LAMA2: variants seen among roughly 807,000 people sequenced by gnomAD.
The protein encoded by LAMA2 is laminin subunit alpha 2, also known as laminin subunit alpha-2.
A neutral mutation model predicts 364.8 loss-of-function variants in LAMA2; 269 were observed. The observed-to-expected ratio is 0.74, with a 90% CI of 0.67 to 0.82. The LOEUF (loss-of-function observed/expected upper bound fraction) is 0.82. Among genes scored for constraint, LAMA2 ranks in the 40% least tolerant of loss-of-function variants. The pLI is 0.00. For synonymous variants in LAMA2, 1,379 were observed against 1,370.6 expected (o/e 1.01, Z -0.14); for missense variants, 3,807 against 3,873.2 (o/e 0.98, Z 0.45).
intron 19 of LAMA2, among the ~76,000 whole-genome samples, chr6:129,289,051 G>A (rs1030755781): frequency 5.3e-5 from 8 of 152,284 alleles, no homozygotes; most frequent in Admixed American, 1.3e-4. Context: ...ATTAAGAAAT[G>A]TGTCTCTCTC....
At chr6:129,120,317 T>G (rs1263939794) in intron 4 of LAMA2, among the ~76,000 whole-genome samples, 1 of 152,184 alleles carries the variant, frequency 6.6e-6, no homozygotes, top group Admixed American at 6.5e-5. Flanking sequence ...ATGTAATCAT[T>G]TGTAAAATTT....
intron 40 of LAMA2, among the ~76,000 whole-genome samples, chr6:129,427,397 A>G (rs73774880): frequency 0.013 from 1,994 of 152,220 alleles, 50 homozygotes; most frequent in African/African-American, 0.046. Flanking sequence ...TCCTTACAAC[A>G]CCGCCAGTTA....
chr6:129,340,830 CAAAAAAAAAA>C (rs34264921), intron 29 of LAMA2, among the ~76,000 whole-genome samples: 7 of 59,592 alleles, frequency 1.2e-4, no homozygotes, highest in African/African-American at 3.9e-4. Flanking sequence ...AGCTCTGTCT[CAAAAAAAAAA>C]AAAAAAAAAA....
At chr6:129,454,620 A>G (rs973007194) in intron 47 of LAMA2, among the ~76,000 whole-genome samples, 3 of 152,186 alleles carry the variant, frequency 2.0e-5, no homozygotes, top group African/African-American at 7.2e-5. Flanking sequence ...AAGCCAAAGC[A>G]TAAGAGCACC....
chr6:129,286,240 A>C (rs1562416098), intron 18 of LAMA2, among the ~76,000 whole-genome samples: 2 of 151,958 alleles, frequency 1.3e-5, no homozygotes, highest in African/African-American at 4.8e-5. Context: ...CTTGCTGCAA[A>C]AGACTTTATC....
intron 1 of LAMA2, among the ~76,000 whole-genome samples, chr6:129,009,882 C>T (rs780998889): frequency 1.3e-5 from 2 of 152,078 alleles, no homozygotes; most frequent in Non-Finnish European, 2.9e-5. Context: ...GATTATATGG[C>T]AGGATCCTCT....
chr6:129,442,873 C>A, intron 43 of LAMA2, 190 bp from the exon 44 acceptor site: 1 of 561,388 alleles, frequency 1.8e-6, no homozygotes, highest in Non-Finnish European at 3.1e-6. Context: ...CAAATAGTGG[C>A]CACTAAATTA....
intron 8 of LAMA2, among the ~76,000 whole-genome samples, chr6:129,161,696 C>G (rs961121247): frequency 3.9e-5 from 6 of 152,092 alleles, no homozygotes; most frequent in African/African-American, 1.4e-4. Context: ...TTGTTGCCTT[C>G]TTTGTGTCCA....
intron 1 of LAMA2, among the ~76,000 whole-genome samples, chr6:128,884,409 T>C (rs966799671): frequency 3.9e-5 from 6 of 152,220 alleles, no homozygotes; most frequent in African/African-American, 1.4e-4. Context: ...TTTAAAAGTT[T>C]TAATGAGGCT....
At chr6:129,277,829 G>A (rs1169734247) in intron 17 of LAMA2, among the ~76,000 whole-genome samples, 2 of 152,146 alleles carry the variant, frequency 1.3e-5, no homozygotes, top group African/African-American at 4.8e-5. Context: ...ATTTTTGTCA[G>A]TGAGCACCTT....
At chr6:129,232,361 G>T (rs1249478647) in intron 12 of LAMA2, among the ~76,000 whole-genome samples, 1 of 152,086 alleles carries the variant, frequency 6.6e-6, no homozygotes, top group Non-Finnish European at 1.5e-5. Flanking sequence ...CTGCAGTCCT[G>T]TTGTTAGAAG....
chr6:129,135,481 AG>A (rs1224624272), intron 4 of LAMA2, among the ~76,000 whole-genome samples: 1 of 152,246 alleles, frequency 6.6e-6, no homozygotes, highest in African/African-American at 2.4e-5. Flanking sequence ...TCATACATAC[AG>A]ATCACATGCA....
intron 47 of LAMA2, among the ~76,000 whole-genome samples, chr6:129,454,879 C>T (rs1782874305): frequency 6.6e-6 from 1 of 152,074 alleles, no homozygotes; most frequent in African/African-American, 2.4e-5. Flanking sequence ...ATTTTCTCTT[C>T]TTGTTTTCCC....
intron 12 of LAMA2, among the ~76,000 whole-genome samples, chr6:129,210,508 C>A (rs1783025969): frequency 6.6e-6 from 1 of 152,062 alleles, no homozygotes; most frequent in Admixed American, 6.5e-5. Flanking sequence ...CATGTACTGC[C>A]ATTAATTTGG....
chr6:128,892,490 TA>T (rs1163684084), intron 1 of LAMA2, among the ~76,000 whole-genome samples: 6 of 152,166 alleles, frequency 3.9e-5, no homozygotes, highest in African/African-American at 1.4e-4. Flanking sequence ...CTTTAATACT[TA>T]TAATATGTTT....
intron 33 of LAMA2, among the ~76,000 whole-genome samples, chr6:129,369,121 G>A (rs1048338371): frequency 2.0e-5 from 3 of 152,164 alleles, no homozygotes; most frequent in African/African-American, 2.4e-5. Flanking sequence ...CTATCTAGAG[G>A]GAAGGAAGAA....
chr6:129,035,362 G>T (rs1582911040), intron 1 of LAMA2, among the ~76,000 whole-genome samples: 1 of 134,842 alleles, frequency 7.4e-6, no homozygotes, highest in Non-Finnish European at 1.6e-5. Flanking sequence ...GGAGCTATTT[G>T]TTTTTTTCTT....
intron 15 of LAMA2, among the ~76,000 whole-genome samples, chr6:129,265,732 G>T (rs1787461463): frequency 6.6e-6 from 1 of 151,734 alleles, no homozygotes. Context: ...GGGGGCTAGG[G>T]GAAGGATAGC....
At chr6:129,006,201 A>T (rs892316450) in intron 1 of LAMA2, among the ~76,000 whole-genome samples, 1 of 152,106 alleles carries the variant, frequency 6.6e-6, no homozygotes, top group Admixed American at 6.6e-5. Flanking sequence ...GAAATCTCCA[A>T]AATGTGAGCC....
Sources: allele counts gnomAD v4.1 joint callset (sites outside exome capture counted in the v4.1 genomes callset), GRCh38; gene constraint gnomAD v4.1.1; transcripts MANE v1.5; gene names NCBI Gene and HGNC (gene_info 2026-07-23, HGNC 2026-07-21).